Variants in TPRG1 observed in about 807,000 individuals in gnomAD.
TPRG1 encodes the protein tumor protein p63 regulated 1.
TPRG1 carries 29 observed loss-of-function variants against 29.3 expected under a neutral mutation model. The ratio of observed to expected loss-of-function variants is 0.99; its 90% CI spans 0.74 to 1.35. The LOEUF (loss-of-function observed/expected upper bound fraction) is 1.35, where lower values mean the gene tolerates loss of function less well. TPRG1 is among the 40% of genes most tolerant of loss of function. TPRG1 has a pLI of 0.00. For missense variants in TPRG1, 327 were observed against 335.0 expected (o/e 0.98, Z 0.19); for synonymous variants, 130 against 116.8 (o/e 1.11, Z -0.73).
chr3:189,071,499 G>A lies in TPRG1; in HGVS notation c.-463+47553G>A, dbSNP rs148893520. ...TGTCCACACACTTGCACAGAGGCAT[G>A]AACTTACACCTATAAGCATCAGTAT... is the stretch of plus-strand genomic sequence containing the variant. On this transcript the variant is annotated intron_variant, in intron 4 of 10. Transcript: ENST00000433971. 1.7e-4 allele frequency among the ~76,000 whole-genome samples: 26 copies of A among 152,194 alleles called. 1 individual carries two copies. The East Asian group carries it at 5.0e-3, about 29-fold the overall frequency.
intron 3 of TPRG1, among the ~76,000 whole-genome samples, chr3:189,141,801 A>C (rs1000186788): frequency 6.6e-6 from 1 of 152,140 alleles, no homozygotes; most frequent in African/African-American, 2.4e-5. Context: ...TATATTTTTT[A>C]TTGATTGATT....
At chr3:189,165,258 C>T (rs1339114619) in intron 5 of TPRG1, among the ~76,000 whole-genome samples, 3 of 151,920 alleles carry the variant, frequency 2.0e-5, no homozygotes, top group South Asian at 2.1e-4. Context: ...ACACCCTCAA[C>T]TTTGCCTGCC....
At chr3:189,113,050 C>A (rs562860096) in intron 1 of TPRG1, among the ~76,000 whole-genome samples, 5 of 151,960 alleles carry the variant, frequency 3.3e-5, no homozygotes, top group South Asian at 2.1e-4. Context: ...CTTTTATTTC[C>A]TTGAGCAGTG....
At chr3:189,096,715 G>A (rs1210748551), upstream of TPRG1, among the ~76,000 whole-genome samples, 2 of 152,158 alleles carry the variant, frequency 1.3e-5, no homozygotes, top group African/African-American at 4.8e-5. Flanking sequence ...AAAGAAAGTG[G>A]TGTTGTTTTA....
intron 4 of TPRG1, among the ~76,000 whole-genome samples, chr3:189,065,202 A>G (rs1716358357): frequency 6.6e-6 from 1 of 152,140 alleles, no homozygotes; most frequent in Admixed American, 6.5e-5. Flanking sequence ...AAAAAATACC[A>G]TTTTGAGACC....
At chr3:189,138,324 C>T (rs1178433021) in intron 3 of TPRG1, among the ~76,000 whole-genome samples, 2 of 152,162 alleles carry the variant, frequency 1.3e-5, no homozygotes, top group Non-Finnish European at 1.5e-5. Flanking sequence ...GGTAACAACA[C>T]ATTTTGTGTA....
At chr3:189,113,188 G>T (rs1048418248) in intron 1 of TPRG1, among the ~76,000 whole-genome samples, 5 of 152,062 alleles carry the variant, frequency 3.3e-5, no homozygotes, top group African/African-American at 1.2e-4. Flanking sequence ...GTCTGTTATT[G>T]GTGTATAAGA....
chr3:189,300,790 G>T (rs994173483), intron 4 of TPRG1, among the ~76,000 whole-genome samples: 3 of 152,114 alleles, frequency 2.0e-5, no homozygotes, highest in African/African-American at 7.2e-5. Context: ...TGTCCCCTTT[G>T]TTAACCAGCC....
chr3:189,158,798 G>A (rs1188097333), intron 5 of TPRG1, among the ~76,000 whole-genome samples: 2 of 151,772 alleles, frequency 1.3e-5, no homozygotes, highest in Non-Finnish European at 2.9e-5. Flanking sequence ...TGCCGTTTTC[G>A]TTTTGCACTC....
intron 3 of TPRG1, among the ~76,000 whole-genome samples, chr3:189,234,077 C>G (rs575784519): frequency 2.6e-5 from 4 of 152,140 alleles, no homozygotes; most frequent in Non-Finnish European, 4.4e-5. Flanking sequence ...CAAGGTCTCC[C>G]TGTGTTGCCC....
chr3:189,021,380 T>C (rs1374932826), intron 3 of TPRG1, among the ~76,000 whole-genome samples: 2 of 152,138 alleles, frequency 1.3e-5, no homozygotes, highest in Non-Finnish European at 2.9e-5. Context: ...CGGTTGTTCG[T>C]TTCCATGTTT....
chr3:189,092,737 T>C (rs1169262315), intron 4 of TPRG1, among the ~76,000 whole-genome samples: 1 of 152,146 alleles, frequency 6.6e-6, no homozygotes, highest in African/African-American at 2.4e-5. Context: ...TGTCACCAAA[T>C]GCTTATCATA....
At chr3:189,033,865 C>T (rs570734935) in intron 4 of TPRG1, among the ~76,000 whole-genome samples, 8 of 152,164 alleles carry the variant, frequency 5.3e-5, no homozygotes, top group South Asian at 4.1e-4. Flanking sequence ...CGTGAGCCAC[C>T]GTGCCCAGCC....
chr3:189,206,960 A>G (rs374694620), intron 1 of TPRG1, among the ~76,000 whole-genome samples: 5 of 152,170 alleles, frequency 3.3e-5, no homozygotes, highest in South Asian at 2.1e-4. Context: ...ATGCTCTATT[A>G]TGACTCAAGA....
rs1734581869 is a variant in TPRG1 at position 189,207,522 on chromosome 3, T to C, written c.138T>C (p.Ser46=). ...CAAGACAGATTTCAAGGCAGTCAAG[T>C]GTGACCGAATCAACTCTTTACCCCA... ...PMPRQISRQS[S]VTESTLYPNP... The change falls in exon 2 of 6, where the codon AGT becomes AGC. Residue 46 remains serine, a synonymous_variant. Transcript: ENST00000345063. The C allele has an allele frequency of 1.2e-6, 2 of 1,613,924 alleles. No homozygotes were observed. Among genetic ancestry groups the C allele is most frequent in the Non-Finnish European group, 1.7e-6 (2 of 1,179,972 alleles).
chr3:189,185,424 C>T (rs187994950), intron 1 of TPRG1, among the ~76,000 whole-genome samples: 1 of 152,088 alleles, frequency 6.6e-6, no homozygotes, highest in Admixed American at 6.5e-5. Flanking sequence ...TGGTGTTTTG[C>T]CATGTTGCCC....
At chr3:189,018,517 G>A (rs1406569689) in intron 3 of TPRG1, among the ~76,000 whole-genome samples, 12 of 129,092 alleles carry the variant, frequency 9.3e-5, no homozygotes, top group Admixed American at 1.7e-4. Context: ...TTTTTCTCAG[G>A]TTTGTCAAAG....
At chr3:189,244,057 C>G (rs1449800866) in intron 4 of TPRG1, among the ~76,000 whole-genome samples, 1 of 152,124 alleles carries the variant, frequency 6.6e-6, no homozygotes, top group Non-Finnish European at 1.5e-5. Flanking sequence ...TAGTAATGCC[C>G]TATTCCTGGT....
At chr3:189,032,960 G>A (rs965572728) in intron 4 of TPRG1, among the ~76,000 whole-genome samples, 7 of 151,922 alleles carry the variant, frequency 4.6e-5, no homozygotes, top group Admixed American at 2.0e-4. Context: ...CTATTCCATG[G>A]TGTATATGTG....
Sources: gnomAD v4.1 joint callset for allele counts (sites outside exome capture counted in the v4.1 genomes callset) on GRCh38, gnomAD v4.1.1 for gene constraint, MANE v1.5 for transcripts, NCBI Gene and HGNC (gene_info 2026-07-23, HGNC 2026-07-21) for gene names.